Variants in KCNAB2 observed in about 807,000 individuals in gnomAD.
The protein encoded by KCNAB2 is potassium voltage-gated channel subfamily A regulatory beta subunit 2, also known as voltage-gated potassium channel subunit beta-2.
Under a neutral mutation model 63.6 loss-of-function variants are expected in KCNAB2, and 29 were observed. The ratio of observed to expected loss-of-function variants is 0.46; its 90% CI spans 0.34 to 0.62. The LOEUF is 0.62. Among genes scored for constraint, KCNAB2 ranks in the 20% least tolerant of loss-of-function variants. The probability of loss-of-function intolerance (pLI) is 0.01; values close to 1 mark genes in which losing one functional copy is unlikely to be tolerated. For missense variants in KCNAB2, 359 were observed against 563.9 expected (o/e 0.64, Z 3.68); for synonymous variants, 222 against 224.2 (o/e 0.99, Z 0.09).
chr1:6,044,622 C>T (rs1046177548), upstream of KCNAB2, among the ~76,000 whole-genome samples: 4 of 152,048 alleles, frequency 2.6e-5, no homozygotes, highest in African/African-American at 9.7e-5. Context: ...CGATGGGGCA[C>T]AGATGCACTC....
chr1:6,058,617 G>C (rs1347449279), intron 2 of KCNAB2, among the ~76,000 whole-genome samples: 1 of 152,256 alleles, frequency 6.6e-6, no homozygotes, highest in Non-Finnish European at 1.5e-5. Context: ...CCACACAGCA[G>C]TCGCTGTCCA....
intron 2 of KCNAB2, among the ~76,000 whole-genome samples, chr1:6,058,079 C>T (rs1007318896): frequency 6.6e-6 from 1 of 152,116 alleles, no homozygotes; most frequent in African/African-American, 2.4e-5. Flanking sequence ...GCCCAGGAGG[C>T]AGAGTCTGCA....
intron 1 of KCNAB2, among the ~76,000 whole-genome samples, chr1:6,015,173 A>C (rs1422573444): frequency 6.6e-6 from 1 of 152,022 alleles, no homozygotes; most frequent in African/African-American, 2.4e-5. Context: ...CCAGGACTAC[A>C]GGTGCCCGCC....
intron 2 of KCNAB2, among the ~76,000 whole-genome samples, chr1:6,066,963 G>C (rs748285598): frequency 6.6e-6 from 1 of 152,192 alleles, no homozygotes; most frequent in Non-Finnish European, 1.5e-5. Context: ...GGAGGATGCC[G>C]ACCACTCATG....
At chr1:6,098,358 G>A (rs1257886018) in intron 15 of KCNAB2, 127 bp from the exon 16 acceptor site, 5 of 1,490,684 alleles carry the variant, frequency 3.4e-6, no homozygotes, top group Non-Finnish European at 4.5e-6. Flanking sequence ...CTCAGATGGA[G>A]CCCAGATGTG....
At position 6,096,226 on chromosome 1, in the gene KCNAB2, G is replaced by T. The variant is rs948807468; in HGVS notation, c.949-410G>T. On this transcript the variant is annotated intron_variant, in intron 13 of 15. Coordinates refer to ENST00000378083, the MANE Select transcript of KCNAB2 (RefSeq NM_001199862.2). This position sits in a 1 kb window ranked among gnomAD's most constrained non-coding sequence, Gnocchi z 5.9. ...CAAGGTCAGGGCCCCCCTCCAGGAGGCCCTGCAATCCTCTGGGGGGGATGG... is the reference window on the plus strand; with the variant it reads ...CAAGGTCAGGGCCCCCCTCCAGGAGTCCCTGCAATCCTCTGGGGGGGATGG... The T allele has an allele frequency of 6.6e-6, 3 of 451,344 alleles. No homozygotes were observed. The highest frequency in any genetic ancestry group is 4.0e-5 in the African/African-American group (2 of 49,874). 28.0% of individuals were successfully genotyped at this position (451,344 alleles called of 1,614,324 possible).
chr1:6,066,481 C>A (rs1196834961), intron 2 of KCNAB2, among the ~76,000 whole-genome samples: 1 of 152,234 alleles, frequency 6.6e-6, no homozygotes, highest in Non-Finnish European at 1.5e-5. Context: ...TGCTAAGTTT[C>A]TTTCTTCCCA....
chr1:6,021,246 C>T (rs1399412515), intron 1 of KCNAB2, among the ~76,000 whole-genome samples: 2 of 152,304 alleles, frequency 1.3e-5, no homozygotes, highest in Middle Eastern at 3.4e-3. Context: ...GATCCACCCA[C>T]CACGGGCTCC....
chr1:6,092,213 G>A (rs1004251854), intron 10 of KCNAB2, among the ~76,000 whole-genome samples: 2 of 152,254 alleles, frequency 1.3e-5, no homozygotes, highest in Non-Finnish European at 2.9e-5. Flanking sequence ...CCCTGGGTCT[G>A]GGGCCACTGA....
chr1:6,061,173 G>A (rs1318294134), intron 2 of KCNAB2, among the ~76,000 whole-genome samples: 1 of 152,246 alleles, frequency 6.6e-6, no homozygotes, highest in Non-Finnish European at 1.5e-5. Flanking sequence ...TTTAATGGGG[G>A]TGGCTGCTCT....
At chr1:6,019,424 C>T (rs1160156644) in intron 1 of KCNAB2, among the ~76,000 whole-genome samples, 2 of 152,242 alleles carry the variant, frequency 1.3e-5, no homozygotes, top group African/African-American at 4.8e-5. Flanking sequence ...AGCCGTCACA[C>T]TGCACTCTCT....
At chr1:6,000,028 G>A (rs1015714686) in intron 1 of KCNAB2, among the ~76,000 whole-genome samples, 14 of 151,094 alleles carry the variant, frequency 9.3e-5, no homozygotes, top group African/African-American at 2.7e-4. Context: ...TGTCTGCGCC[G>A]TCCGTGCCCC....
chr1:6,040,318 C>T (rs1660392580), intron 1 of KCNAB2, among the ~76,000 whole-genome samples: 1 of 152,114 alleles, frequency 6.6e-6, no homozygotes, highest in Non-Finnish European at 1.5e-5. Context: ...TCTCCAGCCC[C>T]TCCTGAGCCC....
intron 2 of KCNAB2, among the ~76,000 whole-genome samples, chr1:6,072,481 A>G (rs1452893294): frequency 6.6e-6 from 1 of 152,190 alleles, no homozygotes; most frequent in East Asian, 1.9e-4. Flanking sequence ...GTCCCTGTGC[A>G]TTTCCATCTG....
At chr1:6,068,669 C>T (rs1662951972) in intron 2 of KCNAB2, among the ~76,000 whole-genome samples, 1 of 152,224 alleles carries the variant, frequency 6.6e-6, no homozygotes, top group Non-Finnish European at 1.5e-5. Context: ...TCCCATCCCA[C>T]TCATGCGGTA....
At chr1:6,022,649 C>T (rs1658914537) in intron 1 of KCNAB2, among the ~76,000 whole-genome samples, 2 of 152,224 alleles carry the variant, frequency 1.3e-5, no homozygotes, top group East Asian at 3.9e-4. Flanking sequence ...CTTCCCATTC[C>T]CCCTCCCCTG....
rs777807905 is a variant in KCNAB2, at chr1:6,051,662, G to A, written c.126G>A (p.Ala42=). The A allele has an allele frequency of 2.5e-5, 39 of 1,534,042 alleles. 1 individual carries two copies. In the Admixed American group the frequency reaches 2.9e-4, roughly 12 times the overall value. Residue 42 remains alanine, a synonymous_variant, in exon 2 of 16, where the codon GCG becomes GCA. Coordinates refer to ENST00000378083, the MANE Select transcript of KCNAB2 (RefSeq NM_001199862.2). ...LELQRLREVR[A]AAQARNMESF... is the part of the protein sequence containing the mutation. The stretch of plus-strand genomic sequence containing the variant: ...TGCAGCGGCTGCGGGAGGTGCGGGC[G>A]GCTGCCCAGGCCAGGAACATGGAGA...
rs192105524 is a variant in KCNAB2 at position 6,080,114 on chromosome 1, C to G, written c.301-2081C>G. On this transcript the variant is annotated intron_variant, in intron 4 of 15. Coordinates refer to ENST00000378083, the MANE Select transcript of KCNAB2 (RefSeq NM_001199862.2). ...AAAACGGAGCCCTGGGTCCCCTCCT[C>G]TGAGAAGCCCTGCCAGGAGCGTGAG... 3.9e-5 allele frequency among the ~76,000 whole-genome samples: 6 copies of G among 152,350 alleles called. No individual in the cohort carries two copies. In the East Asian group the frequency reaches 7.7e-4, roughly 20 times the overall value.
In KCNAB2 at chr1:6,088,773, C is replaced by G. The variant is rs1341948532; in HGVS notation, c.471-235C>G. 2.7e-5 allele frequency among the ~76,000 whole-genome samples: 4 copies of G among 150,744 alleles called. No individual in the cohort carries two copies. The East Asian group carries it at 7.8e-4, about 29-fold the overall frequency. Reference sequence around the variant, plus strand: ...ACGGGTTAGGTTGAAAATCAAAGCCCCCCACCCCCTGCTGCTGCCCCCCTC... The same window carrying G: ...ACGGGTTAGGTTGAAAATCAAAGCCGCCCACCCCCTGCTGCTGCCCCCCTC... On this transcript the variant is annotated intron_variant, in intron 7 of 15. Transcript: ENST00000378083.
Sources: gnomAD v4.1 joint callset for allele counts (sites outside exome capture counted in the v4.1 genomes callset) on GRCh38, gnomAD v4.1.1 for gene constraint, Gnocchi (gnomAD v3.1) non-coding constraint, MANE v1.5 for transcripts, NCBI Gene and HGNC (gene_info 2026-07-23, HGNC 2026-07-21) for gene names.